TENM3: variants seen among roughly 807,000 people sequenced by gnomAD.
TENM3 encodes teneurin-3.
In TENM3, 63 loss-of-function variants were observed where a neutral mutation model predicts 255.1. The ratio of observed to expected loss-of-function variants is 0.25; its 90% CI spans 0.20 to 0.30. The LOEUF (loss-of-function observed/expected upper bound fraction) is 0.30, where lower values mean the gene tolerates loss of function less well. TENM3 is among the 10% of genes least tolerant of loss of function. The pLI is 1.00. For synonymous variants in TENM3, 1,306 were observed against 1,322.3 expected, an observed-to-expected ratio of 0.99 and a Z score of 0.27; for missense variants, 2,929 against 3,461.1, an observed-to-expected ratio of 0.85 and a Z score of 3.86.
chr4:181,717,686 C>G, the TENM3 span, among the ~76,000 whole-genome samples: 17 of 152,094 alleles, frequency 1.1e-4, no homozygotes, highest in Non-Finnish European at 1.6e-4. Flanking sequence ...TCTTCTGGCC[C>G]CTTTTATTGT....
intron 2 of TENM3, among the ~76,000 whole-genome samples, chr4:182,334,966 G>A (rs1311479780): frequency 3.3e-5 from 5 of 152,034 alleles, no homozygotes; most frequent in African/African-American, 9.7e-5. Flanking sequence ...TCTAGCCAGG[G>A]CGTAAAGATA....
the TENM3 span, among the ~76,000 whole-genome samples, chr4:181,668,123 T>G: frequency 6.6e-6 from 1 of 152,118 alleles, no homozygotes; most frequent in African/African-American, 2.4e-5. Flanking sequence ...TGGCATAGAG[T>G]AAATGCTCAA....
chr4:181,491,754 T>C, the TENM3 span, among the ~76,000 whole-genome samples: 1 of 152,150 alleles, frequency 6.6e-6, no homozygotes, highest in Non-Finnish European at 1.5e-5. Flanking sequence ...TTATTCTATG[T>C]ATGATTTTGC....
chr4:182,540,199 T>C (rs1335947956), intron 3 of TENM3, among the ~76,000 whole-genome samples: 1 of 152,220 alleles, frequency 6.6e-6, no homozygotes, highest in African/African-American at 2.4e-5. Context: ...TAAGTTATTA[T>C]GAAGCCATGG....
chr4:181,600,484 C>T, the TENM3 span, among the ~76,000 whole-genome samples: 3 of 152,170 alleles, frequency 2.0e-5, no homozygotes, highest in African/African-American at 4.8e-5. Context: ...CAAGTTCAGA[C>T]TAAGTCAAGT....
chr4:182,390,785 C>G (rs942882948), intron 3 of TENM3, among the ~76,000 whole-genome samples: 3 of 152,154 alleles, frequency 2.0e-5, no homozygotes, highest in African/African-American at 7.2e-5. Context: ...CTTATTGATC[C>G]TCTTCAAAAT....
At chr4:181,940,007 C>G in the TENM3 span, among the ~76,000 whole-genome samples, 1 of 152,158 alleles carries the variant, frequency 6.6e-6, no homozygotes, top group African/African-American at 2.4e-5. Context: ...GGAATTTAAG[C>G]AGAAATGCAC....
At chr4:181,790,169 A>C in the TENM3 span, among the ~76,000 whole-genome samples, 5 of 152,206 alleles carry the variant, frequency 3.3e-5, no homozygotes, top group African/African-American at 1.2e-4. Flanking sequence ...AGTATGGCAT[A>C]GCCTGCTGGT....
At chr4:181,756,497 A>G in the TENM3 span, among the ~76,000 whole-genome samples, 1 of 152,230 alleles carries the variant, frequency 6.6e-6, no homozygotes. Flanking sequence ...ATTGAATGCT[A>G]TGTGCTCCAA....
At chr4:182,067,384 A>AC in the TENM3 span, among the ~76,000 whole-genome samples, 6 of 152,096 alleles carry the variant, frequency 3.9e-5, no homozygotes, top group African/African-American at 1.4e-4. Flanking sequence ...TTCTCCCCAA[A>AC]CCCCATCATT....
chr4:181,848,410 G>C, the TENM3 span, among the ~76,000 whole-genome samples: 1 of 152,092 alleles, frequency 6.6e-6, no homozygotes, highest in Non-Finnish European at 1.5e-5. Flanking sequence ...CAACAGACAC[G>C]AGCTCTTCTA....
chr4:181,610,357 G>A, the TENM3 span, among the ~76,000 whole-genome samples: 1 of 152,158 alleles, frequency 6.6e-6, no homozygotes, highest in Non-Finnish European at 1.5e-5. Context: ...ATAGCACAAA[G>A]GTGCCATTAA....
At chr4:182,291,484 G>C (rs1761123024) in intron 1 of TENM3, among the ~76,000 whole-genome samples, 1 of 149,328 alleles carries the variant, frequency 6.7e-6, no homozygotes, top group South Asian at 2.1e-4. Context: ...TTTCAGTTGT[G>C]AGGATGCCCC....
At chr4:182,791,682 C>G (rs1766113976) in intron 25 of TENM3, among the ~76,000 whole-genome samples, 1 of 152,288 alleles carries the variant, frequency 6.6e-6, no homozygotes, top group East Asian at 1.9e-4. Context: ...GCATTTATAG[C>G]TCTCATTCAC....
chr4:181,577,281 T>G, the TENM3 span, among the ~76,000 whole-genome samples: 81 of 148,010 alleles, frequency 5.5e-4, no homozygotes, highest in African/African-American at 1.9e-3. Flanking sequence ...CCTCAGGTGA[T>G]CCACCCTTCT....
intron 4 of TENM3, among the ~76,000 whole-genome samples, chr4:182,608,522 A>G (rs925303832): frequency 1.1e-4 from 16 of 152,170 alleles, no homozygotes; most frequent in Admixed American, 4.6e-4. Flanking sequence ...AGGTGTCAGG[A>G]GAGCTCACGT....
chr4:181,712,061 A>T, the TENM3 span, among the ~76,000 whole-genome samples: 1 of 152,224 alleles, frequency 6.6e-6, no homozygotes, highest in African/African-American at 2.4e-5. Flanking sequence ...TATTAAGTCA[A>T]AAGAGAAAAT....
At chr4:181,671,727 C>G in the TENM3 span, among the ~76,000 whole-genome samples, 1 of 151,818 alleles carries the variant, frequency 6.6e-6, no homozygotes, top group Non-Finnish European at 1.5e-5. Context: ...GCTGGTTATT[C>G]CTAGGAAGCA....
At chr4:181,987,629 T>A in the TENM3 span, among the ~76,000 whole-genome samples, 1 of 152,068 alleles carries the variant, frequency 6.6e-6, no homozygotes. Flanking sequence ...GCAGCAGAAA[T>A]CACCTTTTGG....
Sources: gnomAD v4.1 joint callset for allele counts (sites outside exome capture counted in the v4.1 genomes callset) on GRCh38, gnomAD v4.1.1 for gene constraint, MANE v1.5 for transcripts, NCBI Gene and HGNC (gene_info 2026-07-23, HGNC 2026-07-21) for gene names.